The following PGLYRP2 variants were observed in gnomAD, a reference collection of about 807,000 sequenced individuals.
PGLYRP2 encodes the protein N-acetylmuramoyl-L-alanine amidase.
PGLYRP2 carries 38 observed loss-of-function variants against 46.2 expected under a neutral mutation model. That is an observed-to-expected ratio of 0.82 (90% CI 0.64 to 1.08). The LOEUF (loss-of-function observed/expected upper bound fraction) is 1.08. Ranked by LOEUF, PGLYRP2 falls within the 50% of genes least tolerant of loss-of-function variation. The pLI, the probability that PGLYRP2 is intolerant of heterozygous loss-of-function variation, is 0.00. For synonymous variants in PGLYRP2, 289 were observed against 329.4 expected, an observed-to-expected ratio of 0.88 and a Z score of 1.33; for missense variants, 713 against 755.9, an observed-to-expected ratio of 0.94 and a Z score of 0.67.
At chr19:15,473,840 AAAAG>A (rs567616048) in intron 2 of PGLYRP2, among the ~76,000 whole-genome samples, 84 of 150,926 alleles carry the variant, frequency 5.6e-4, no homozygotes, top group Middle Eastern at 3.4e-3. Context: ...GAAAGAAAGA[AAAAG>A]AAAGAAAGAA....
intron 3 of PGLYRP2, among the ~76,000 whole-genome samples, 184 bp downstream of exon 3, chr19:15,471,706 A>G (rs1313155623): frequency 6.6e-6 from 1 of 152,016 alleles, no homozygotes; most frequent in African/African-American, 2.4e-5. Context: ...CCCGGTCCCT[A>G]TTAAGGCCCC....
chr19:15,469,755 A>G lies in PGLYRP2; in HGVS notation c.1518T>C (p.Cys506=), dbSNP rs750363204. The change falls in exon 4 of 5, where the codon TGT becomes TGC. Residue 506 remains cysteine (C), a synonymous_variant. Transcript: ENST00000340880. The surrounding 1 kb of genome is among the most constrained non-coding windows in gnomAD (Gnocchi z 4.9). ...GCCGCAGGAGGCCGGCGCGCACCGC[A>G]CAACTCGGGAGCGTGTCGCGCACCG... is the stretch of plus-strand genomic sequence containing the variant. The part of the protein sequence containing the change: ...LRTVRDTLPS[C]AVRAGLLRPD... 1.1e-5 allele frequency: 16 copies of G among 1,497,840 alleles called. No homozygotes were observed. In the East Asian group the frequency reaches 3.5e-4, roughly 32 times the overall value. The allele number at this position is 1,497,840 out of a possible 1,614,324, so 92.8% of individuals were successfully genotyped here. A position where few individuals can be genotyped will look rare whatever the true frequency, so the allele number is the denominator to read the frequency against.
At chr19:15,473,999 CCA>C (rs1275539002) in intron 2 of PGLYRP2, among the ~76,000 whole-genome samples, 1 of 152,060 alleles carries the variant, frequency 6.6e-6, no homozygotes, top group Non-Finnish European at 1.5e-5. Flanking sequence ...CAAATTAAAA[CCA>C]CAATGAGATA....
Position 15,476,598 on chromosome 19 carries a change from G to A in PGLYRP2, c.72C>T (p.Pro24=), listed in dbSNP as rs143974850. The change falls in exon 2 of 5, where the codon CCC becomes CCT. Residue 24 remains proline (P), a synonymous_variant. Coordinates refer to ENST00000340880, the MANE Select transcript of PGLYRP2 (RefSeq NM_052890.4). Reference sequence around the variant, plus strand: ...CCTGGATGACAGAGTCCATGAGCAGGGGCAGGGAGGCTGCAGGAGGAAAGA... The same window carrying A: ...CCTGGATGACAGAGTCCATGAGCAGAGGCAGGGAGGCTGCAGGAGGAAAGA... ...LWSDPGTASL[P]LLMDSVIQAL... is the part of the protein sequence containing the mutation. 308 of 1,597,260 alleles carry A rather than the reference G, an allele frequency of 1.9e-4. 1 individual carries two copies. The highest frequency in any genetic ancestry group is 2.5e-4 in the Non-Finnish European group (289 of 1,171,756).
chr19:15,475,140 A>G (rs1970781983), intron 2 of PGLYRP2, among the ~76,000 whole-genome samples: 1 of 152,108 alleles, frequency 6.6e-6, no homozygotes, highest in Non-Finnish European at 1.5e-5. Context: ...TAGCGTGTGG[A>G]AAGATAGATA....
At chr19:15,475,499 G>A (rs771089295) in intron 2 of PGLYRP2, 39 bp downstream of exon 2, 1 of 1,532,268 alleles carries the variant, frequency 6.5e-7, no homozygotes, top group Non-Finnish European at 8.8e-7. Context: ...GTCTGTGTCT[G>A]TAATGGGAAG....
Position 15,468,797 on chromosome 19 carries a change from A to G in PGLYRP2, c.1642-45T>C, listed in dbSNP as rs760979864. 26 of 1,517,466 alleles carry G rather than the reference A, an allele frequency of 1.7e-5. No individual in the cohort carries two copies. The African/African-American group carries it at 3.2e-4, about 18-fold the overall frequency. The allele number at this position is 1,517,466 out of a possible 1,614,324, so 94.0% of individuals were successfully genotyped here. ...TGTGAGGCTTGGGGGTGGTTGTGGT[A>G]TGTGGCTGGGTCTGCCCTCCTGGTG... On this transcript the variant is annotated intron_variant, in intron 4 of 4. Coordinates refer to ENST00000340880, the MANE Select transcript of PGLYRP2 (RefSeq NM_052890.4).
chr19:15,470,282 T>TTCCTTCCC (rs1970734659), intron 3 of PGLYRP2, among the ~76,000 whole-genome samples: 1 of 134,060 alleles, frequency 7.5e-6, no homozygotes, highest in Non-Finnish European at 1.6e-5. Flanking sequence ...CCTTCCTTCC[T>TTCCTTCCC]TCCTTCCTTC....
At chr19:15,471,068 T>C (rs916606670) in intron 3 of PGLYRP2, among the ~76,000 whole-genome samples, 8 of 145,954 alleles carry the variant, frequency 5.5e-5, no homozygotes, top group African/African-American at 2.0e-4. Context: ...GCCTGCCGAG[T>C]AGCTGGGACT....
intron 2 of PGLYRP2, among the ~76,000 whole-genome samples, chr19:15,475,265 A>G (rs1970782930): frequency 1.3e-5 from 2 of 152,204 alleles, no homozygotes; most frequent in South Asian, 2.1e-4. Context: ...CTTGACCACT[A>G]TGCAATCTAT....
In PGLYRP2 at chr19:15,469,042, A is replaced by T. The variant is rs1032278131; in HGVS notation, c.1642-290T>A. 1 of 514,402 alleles carries T rather than the reference A, an allele frequency of 1.9e-6. No individual in the cohort carries two copies. Among genetic ancestry groups the T allele is most frequent in the Middle Eastern group, 5.2e-4 (1 of 1,922 alleles). The allele number at this position is 514,402 out of a possible 1,614,324, so 31.9% of individuals were successfully genotyped here. ...CAGGTCAAAGTTGTGCTGGCATAAG[A>T]GTTGTCATCAGGGGTTAAGGAGTCA... On this transcript the variant is annotated intron_variant, in intron 4 of 4. Transcript: ENST00000340880. The surrounding 1 kb of genome is among the most constrained non-coding windows in gnomAD (Gnocchi z 4.9).
At chr19:15,470,910 C>T (rs574978796) in intron 3 of PGLYRP2, among the ~76,000 whole-genome samples, 100 of 152,234 alleles carry the variant, frequency 6.6e-4, no homozygotes, top group Non-Finnish European at 9.6e-4. Context: ...TCCCAAAGTG[C>T]TGGGATTACA....
intron 3 of PGLYRP2, among the ~76,000 whole-genome samples, chr19:15,470,286 T>TTCCC (rs1568340254): frequency 5.9e-5 from 8 of 136,222 alleles, no homozygotes; most frequent in Admixed American, 2.2e-4. Context: ...CCTTCCTTCC[T>TTCCC]TCCTTCCTTC....
intron 3 of PGLYRP2, among the ~76,000 whole-genome samples, chr19:15,470,389 C>T (rs1970737144): frequency 6.6e-6 from 1 of 151,698 alleles, no homozygotes; most frequent in Non-Finnish European, 1.5e-5. Flanking sequence ...CTCCACCTCC[C>T]GGGTTCAAGC....
rs553010033 is a variant in PGLYRP2 at position 15,475,654 on chromosome 19, G to T, written c.1016C>A (p.Thr339Asn). The T allele has an allele frequency of 1.2e-5, 20 of 1,614,184 alleles. No homozygotes were observed. The East Asian group carries it at 1.3e-4, about 11-fold the overall frequency. The change falls in exon 2 of 5, where the codon ACC becomes AAC. Residue 339 changes from threonine (T) to asparagine (N), a missense_variant. Transcript: ENST00000340880. ...ASILAQQVWG[T>N]LVLLQRLEPV... ...CTCCAGCCTCTGTAGAAGGACAAGGGTTCCCCACACCTGCTGGGCCAGGAT... is the reference window on the plus strand; with the variant it reads ...CTCCAGCCTCTGTAGAAGGACAAGGTTTCCCCACACCTGCTGGGCCAGGAT...
chr19:15,479,288 C>A (rs1568343204), intron 1 of PGLYRP2, 23 bp downstream of exon 1: 21 of 1,613,882 alleles, frequency 1.3e-5, no homozygotes, highest in Non-Finnish European at 1.8e-5. Flanking sequence ...GGTTTGGTCC[C>A]AGGACTCTGC....
In PGLYRP2 at chr19:15,469,893, T is replaced by C; in HGVS notation, c.1380A>G (p.Gly460=). The C allele has an allele frequency of 6.8e-7, 1 of 1,472,620 alleles. No individual in the cohort carries two copies. Among genetic ancestry groups the C allele is most frequent in the South Asian group, 1.4e-5 (1 of 72,600 alleles). The allele number at this position is 1,472,620 out of a possible 1,614,324, so 91.2% of individuals were successfully genotyped here. The change falls in exon 4 of 5, where the codon GGA becomes GGG. Residue 460 remains glycine, a synonymous_variant. Transcript: ENST00000340880. This position sits in a 1 kb window ranked among gnomAD's most constrained non-coding sequence, Gnocchi z 4.9. ...GGGCGCCCACCCAGTGCCAGCCGCG[T>C]CCCTCGTACACGTAGCCGTCCGAGC... The part of the protein sequence containing the change: ...VVGSDGYVYE[G]RGWHWVGAHT...
Position 15,469,173 on chromosome 19 carries a change from T to A in PGLYRP2, c.1642-421A>T. On this transcript the variant is annotated intron_variant, in intron 4 of 4. Coordinates refer to ENST00000340880, the MANE Select transcript of PGLYRP2 (RefSeq NM_052890.4). The surrounding 1 kb of genome is among the most constrained non-coding windows in gnomAD (Gnocchi z 4.9). ...TGAAGGCAAAAGGTCACAGCCTAGG[T>A]TCATGTTGTGTGGACAGAGGGCCTT... is the stretch of plus-strand genomic sequence containing the variant. 1 of 581,670 alleles carries A rather than the reference T, an allele frequency of 1.7e-6. No homozygotes were observed. Among genetic ancestry groups the A allele is most frequent in the East Asian group, 2.8e-5 (1 of 35,178 alleles). 36.0% of individuals were successfully genotyped at this position (581,670 alleles called of 1,614,324 possible).
At chr19:15,479,221 A>G (rs1211609172) in intron 1 of PGLYRP2, 90 bp downstream of exon 1, 9 of 1,367,828 alleles carry the variant, frequency 6.6e-6, no homozygotes, top group Non-Finnish European at 7.3e-6. Context: ...CTCCAGCCTC[A>G]CTCCATGCAG....
Sources: gnomAD v4.1 joint callset for allele counts (sites outside exome capture counted in the v4.1 genomes callset) on GRCh38, gnomAD v4.1.1 for gene constraint, Gnocchi (gnomAD v3.1) non-coding constraint, MANE v1.5 for transcripts, NCBI Gene and HGNC (gene_info 2026-07-23, HGNC 2026-07-21) for gene names.